GLIS3: variants seen among roughly 807,000 people sequenced by gnomAD.
GLIS3 encodes GLIS family zinc finger 3, also known as zinc finger protein GLIS3.
In GLIS3, 53 loss-of-function variants were observed where a neutral mutation model predicts 78.6. That is an observed-to-expected ratio of 0.67 (90% CI 0.54 to 0.85). The LOEUF (loss-of-function observed/expected upper bound fraction) is 0.85. GLIS3 is among the 40% of genes least tolerant of loss of function. The probability of loss-of-function intolerance (pLI) is 0.00; values close to 1 mark genes in which losing one functional copy is unlikely to be tolerated. For synonymous variants in GLIS3, 684 were observed against 509.9 expected (o/e 1.34, Z -4.60); for missense variants, 1,703 against 1,231.1 (o/e 1.38, Z -5.74).
At chr9:3,882,201 AC>A (rs1206782322) in intron 7 of GLIS3, among the ~76,000 whole-genome samples, 2 of 146,090 alleles carry the variant, frequency 1.4e-5, no homozygotes, top group African/African-American at 5.2e-5. Context: ...CATTGAGTAA[AC>A]AAAGATGAAC....
chr9:4,106,813 G>T (rs1007431282), intron 4 of GLIS3, among the ~76,000 whole-genome samples: 1 of 152,304 alleles, frequency 6.6e-6, no homozygotes, highest in Non-Finnish European at 1.5e-5. Context: ...ATAATGAGCA[G>T]ATCTCCCTTA....
At chr9:3,866,079 A>C (rs1179006375) in intron 8 of GLIS3, among the ~76,000 whole-genome samples, 2 of 152,084 alleles carry the variant, frequency 1.3e-5, no homozygotes, top group Non-Finnish European at 2.9e-5. Flanking sequence ...TACTGTAACC[A>C]CTCTCAGAAA....
intron 4 of GLIS3, among the ~76,000 whole-genome samples, chr9:3,955,129 G>C (rs141648678): frequency 6.6e-6 from 1 of 152,160 alleles, no homozygotes; most frequent in Non-Finnish European, 1.5e-5. Context: ...GACGACCTGG[G>C]GAACAGAGCC....
At chr9:4,418,307 C>T in the GLIS3 span, among the ~76,000 whole-genome samples, 1 of 152,158 alleles carries the variant, frequency 6.6e-6, no homozygotes, top group Non-Finnish European at 1.5e-5. Context: ...AGGTCATTGG[C>T]CTCAGGAGGG....
chr9:4,406,000 T>G, the GLIS3 span, among the ~76,000 whole-genome samples: 1 of 152,174 alleles, frequency 6.6e-6, no homozygotes, highest in Non-Finnish European at 1.5e-5. Flanking sequence ...AAAAAGCATT[T>G]GATAAAGTTT....
At chr9:3,924,668 G>C (rs1422512702) in intron 6 of GLIS3, among the ~76,000 whole-genome samples, 2 of 152,186 alleles carry the variant, frequency 1.3e-5, no homozygotes, top group African/African-American at 4.8e-5. Flanking sequence ...AGCTGAAAAG[G>C]AAAGACAAGA....
At chr9:4,189,999 A>C (rs932481483) in intron 2 of GLIS3, among the ~76,000 whole-genome samples, 6 of 152,180 alleles carry the variant, frequency 3.9e-5, no homozygotes, top group African/African-American at 1.2e-4. Flanking sequence ...AAACCAACAA[A>C]CAGAAAGGAC....
chr9:4,485,799 C>A, the GLIS3 span, among the ~76,000 whole-genome samples: 1 of 151,340 alleles, frequency 6.6e-6, no homozygotes, highest in Admixed American at 6.6e-5. Context: ...CAGCTCACTG[C>A]GACCTCCGCC....
rs116198343 is a variant in GLIS3, at chr9:3,932,764, A to G, written c.1873-294T>C. 1,511 of 428,622 alleles carry G rather than the reference A, an allele frequency of 3.5e-3. 21 individuals are homozygous for G. The highest frequency in any genetic ancestry group is 0.029 in the African/African-American group (1,385 of 48,554). The allele number at this position is 428,622 out of a possible 1,614,324, so 26.6% of individuals were successfully genotyped here. ...TCTTGGGGCATTTTTTAATGTGGAA[A>G]TTATTAGTAAGCATCTCTAGTCATA... On this transcript the variant is annotated intron_variant, in intron 5 of 10. Transcript: ENST00000381971.
chr9:4,174,649 G>A (rs1816663865), intron 2 of GLIS3, among the ~76,000 whole-genome samples: 1 of 152,162 alleles, frequency 6.6e-6, no homozygotes, highest in South Asian at 2.1e-4. Flanking sequence ...TGCTAAGTCT[G>A]TAAACTGTGA....
At chr9:4,340,748 T>A (rs1010470041) in intron 2 of GLIS3, among the ~76,000 whole-genome samples, 1 of 151,958 alleles carries the variant, frequency 6.6e-6, no homozygotes, top group African/African-American at 2.4e-5. Context: ...CAGGCTGGAG[T>A]TCAGTGGCAC....
upstream of GLIS3, among the ~76,000 whole-genome samples, chr9:4,304,472 G>A (rs1817176599): frequency 6.6e-6 from 1 of 152,302 alleles, no homozygotes; most frequent in South Asian, 2.1e-4. Context: ...CCCTGCTCCA[G>A]TGACCCTCTC....
chr9:4,428,179 T>C, the GLIS3 span, among the ~76,000 whole-genome samples: 1 of 151,206 alleles, frequency 6.6e-6, no homozygotes, highest in South Asian at 2.1e-4. Flanking sequence ...CTACCAAAAA[T>C]AATAATAATA....
intron 2 of GLIS3, among the ~76,000 whole-genome samples, chr9:4,155,678 C>T (rs929513998): frequency 6.6e-6 from 1 of 152,140 alleles, no homozygotes; most frequent in African/African-American, 2.4e-5. Context: ...AATGGAGAAC[C>T]CATAAGTCGA....
the GLIS3 span, among the ~76,000 whole-genome samples, chr9:4,380,797 A>G: frequency 6.6e-6 from 1 of 152,230 alleles, no homozygotes; most frequent in South Asian, 2.1e-4. Flanking sequence ...TTCAACATAA[A>G]GTTTTGGGAT....
chr9:4,080,386 A>G (rs1828451370), intron 4 of GLIS3, among the ~76,000 whole-genome samples: 1 of 151,990 alleles, frequency 6.6e-6, no homozygotes, highest in African/African-American at 2.4e-5. Flanking sequence ...AGTAATCAGG[A>G]TAAAAAAACA....
At chr9:4,293,548 G>C (rs994951174) in intron 1 of GLIS3, among the ~76,000 whole-genome samples, 5 of 152,236 alleles carry the variant, frequency 3.3e-5, no homozygotes, top group Non-Finnish European at 7.3e-5. Context: ...GTTACAGACA[G>C]AAGTGGAATC....
chr9:4,254,509 G>A (rs1293784650), intron 2 of GLIS3, among the ~76,000 whole-genome samples: 1 of 152,174 alleles, frequency 6.6e-6, no homozygotes, highest in Non-Finnish European at 1.5e-5. Context: ...AAGTTTATCT[G>A]GAAGGGTTAG....
chr9:3,877,942 G>T (rs1352905027), intron 8 of GLIS3, among the ~76,000 whole-genome samples: 1 of 152,066 alleles, frequency 6.6e-6, no homozygotes, highest in Non-Finnish European at 1.5e-5. Flanking sequence ...CTCCTAGCAG[G>T]ATAAGGGGCA....
Sources: gnomAD v4.1 joint callset for allele counts (sites outside exome capture counted in the v4.1 genomes callset) on GRCh38, gnomAD v4.1.1 for gene constraint, MANE v1.5 for transcripts, NCBI Gene and HGNC (gene_info 2026-07-23, HGNC 2026-07-21) for gene names.